Variants in SH3GL2 observed in about 807,000 individuals in gnomAD.
The protein encoded by SH3GL2 is SH3 domain containing GRB2 like 2, endophilin A1.
SH3GL2 carries 24 observed loss-of-function variants against 46.0 expected under a neutral mutation model. The observed-to-expected ratio is 0.52, with a 90% CI of 0.38 to 0.73. The LOEUF is 0.73. Among genes scored for constraint, SH3GL2 ranks in the 30% least tolerant of loss-of-function variants. SH3GL2 has a pLI of 0.00. For missense variants in SH3GL2, 413 were observed against 424.2 expected (o/e 0.97, Z 0.23); for synonymous variants, 196 against 147.1 (o/e 1.33, Z -2.40).
intron 2 of SH3GL2, among the ~76,000 whole-genome samples, chr9:17,759,409 C>T (rs1823104535): frequency 1.3e-5 from 2 of 152,336 alleles, no homozygotes; most frequent in African/African-American, 4.8e-5. Flanking sequence ...AAAGCATATT[C>T]CAGCTCTGAC....
chr9:17,627,620 A>G (rs1407169660), intron 1 of SH3GL2, among the ~76,000 whole-genome samples: 1 of 152,218 alleles, frequency 6.6e-6, no homozygotes, highest in South Asian at 2.1e-4. Flanking sequence ...ATGAATTGCT[A>G]TGAATATAGT....
intron 6 of SH3GL2, among the ~76,000 whole-genome samples, chr9:17,790,989 C>A (rs1487111248): frequency 1.3e-5 from 2 of 152,136 alleles, no homozygotes; most frequent in Non-Finnish European, 2.9e-5. Context: ...GAGGGTTACC[C>A]ATGTTGCTTC....
chr9:17,590,379 A>T (rs1368641791), intron 1 of SH3GL2: 1 of 152,156 alleles, frequency 6.6e-6, no homozygotes, highest in African/African-American at 2.4e-5. Context: ...GATTAATATT[A>T]ATAGCCTGTT....
intron 1 of SH3GL2, among the ~76,000 whole-genome samples, chr9:17,732,219 A>T (rs1221077155): frequency 6.9e-6 from 1 of 144,672 alleles, no homozygotes; most frequent in East Asian, 2.0e-4. Context: ...TGGTGACCGG[A>T]GTTGTTGCTA....
intron 1 of SH3GL2, among the ~76,000 whole-genome samples, chr9:17,713,652 A>G: frequency 6.6e-6 from 1 of 151,626 alleles, no homozygotes; most frequent in East Asian, 1.9e-4. Context: ...TGGATTATTT[A>G]GAAGTGCATT....
chr9:17,644,066 G>T (rs980208858), intron 1 of SH3GL2, among the ~76,000 whole-genome samples: 2 of 152,150 alleles, frequency 1.3e-5, no homozygotes, highest in African/African-American at 4.8e-5. Flanking sequence ...TCTTGGGAGG[G>T]TGTATGTGTC....
chr9:17,608,795 C>T (rs138710346), intron 1 of SH3GL2, among the ~76,000 whole-genome samples: 409 of 152,284 alleles, frequency 2.7e-3, no homozygotes, highest in African/African-American at 8.9e-3. Context: ...GTAGGGGGAA[C>T]ATGAATTATT....
At chr9:17,644,454 C>T (rs750936203) in intron 1 of SH3GL2, among the ~76,000 whole-genome samples, 11 of 152,048 alleles carry the variant, frequency 7.2e-5, no homozygotes, top group Admixed American at 6.6e-5. Flanking sequence ...CTCTTTCTCC[C>T]GTGGGCATTT....
At chr9:17,705,172 C>T (rs545361649) in intron 1 of SH3GL2, among the ~76,000 whole-genome samples, 2 of 152,114 alleles carry the variant, frequency 1.3e-5, no homozygotes, top group East Asian at 3.9e-4. Context: ...TAGAAAAATG[C>T]AGATCAAAAT....
At chr9:17,585,558 G>A (rs1026104372) in intron 1 of SH3GL2, among the ~76,000 whole-genome samples, 1 of 152,172 alleles carries the variant, frequency 6.6e-6, no homozygotes, top group East Asian at 1.9e-4. Flanking sequence ...GAGGATAGGA[G>A]GGGGGACACG....
intron 1 of SH3GL2, among the ~76,000 whole-genome samples, chr9:17,695,819 T>TC (rs1299713116): frequency 3.3e-4 from 49 of 149,684 alleles, no homozygotes; most frequent in African/African-American, 1.2e-3. Flanking sequence ...TCTTGATGTC[T>TC]CTGAAATTGG....
intron 1 of SH3GL2, among the ~76,000 whole-genome samples, chr9:17,670,563 A>G (rs1820449274): frequency 6.6e-6 from 1 of 152,218 alleles, no homozygotes; most frequent in South Asian, 2.1e-4. Flanking sequence ...GTATTATGCC[A>G]GTGATATGTC....
intron 1 of SH3GL2, among the ~76,000 whole-genome samples, chr9:17,583,353 A>C (rs146993248): frequency 6.6e-6 from 1 of 152,178 alleles, no homozygotes; most frequent in Non-Finnish European, 1.5e-5. Flanking sequence ...GAGGTGACTA[A>C]GTCATGAGGG....
At chr9:17,707,887 T>C (rs1278848838) in intron 1 of SH3GL2, among the ~76,000 whole-genome samples, 1 of 152,032 alleles carries the variant, frequency 6.6e-6, no homozygotes, top group African/African-American at 2.4e-5. Flanking sequence ...TTCACACTCA[T>C]CTTGTGTATT....
chr9:17,617,168 T>C (rs139177808), intron 1 of SH3GL2, among the ~76,000 whole-genome samples: 1 of 152,356 alleles, frequency 6.6e-6, no homozygotes, highest in African/African-American at 2.4e-5. Context: ...TTGGGTAGTA[T>C]TCTGTTGTAT....
At chr9:17,640,675 C>G (rs1357207653) in intron 1 of SH3GL2, among the ~76,000 whole-genome samples, 1 of 152,160 alleles carries the variant, frequency 6.6e-6, no homozygotes, top group Non-Finnish European at 1.5e-5. Context: ...TACTGTGTTT[C>G]TCCATAACAC....
chr9:17,782,975 G>A (rs1213538692), intron 3 of SH3GL2, among the ~76,000 whole-genome samples: 1 of 152,064 alleles, frequency 6.6e-6, no homozygotes, highest in Non-Finnish European at 1.5e-5. Context: ...AAACACGCAA[G>A]GAAGGGACTC....
intron 1 of SH3GL2, among the ~76,000 whole-genome samples, chr9:17,730,201 G>T (rs1822136718): frequency 6.6e-6 from 1 of 151,984 alleles, no homozygotes; most frequent in South Asian, 2.1e-4. Flanking sequence ...GGATTCCTAG[G>T]CTTTTTATTC....
intron 1 of SH3GL2, among the ~76,000 whole-genome samples, chr9:17,595,125 G>A (rs535586739): frequency 1.4e-4 from 21 of 152,110 alleles, no homozygotes; most frequent in Non-Finnish European, 2.4e-4. Flanking sequence ...ACACAGAGGT[G>A]GTTACACAGC....
Sources: gnomAD v4.1 joint callset for allele counts (sites outside exome capture counted in the v4.1 genomes callset) on GRCh38, gnomAD v4.1.1 for gene constraint, MANE v1.5 for transcripts, NCBI Gene and HGNC (gene_info 2026-07-23, HGNC 2026-07-21) for gene names.